The following SNTG1 variants were observed in gnomAD, a reference collection of about 807,000 sequenced individuals.
SNTG1 encodes the protein gamma-1-syntrophin.
A neutral mutation model predicts 74.7 loss-of-function variants in SNTG1; 39 were observed. The observed-to-expected ratio is 0.52, with a 90% CI of 0.40 to 0.68. The LOEUF (loss-of-function observed/expected upper bound fraction) is 0.68, where lower values mean the gene tolerates loss of function less well. SNTG1 is among the 30% of genes least tolerant of loss of function. SNTG1 has a pLI of 0.00. For synonymous variants in SNTG1, 254 were observed against 217.1 expected (o/e 1.17, Z -1.49); for missense variants, 685 against 609.5 (o/e 1.12, Z -1.30).
At chr8:49,994,227 T>C (rs1813966335) in intron 1 of SNTG1, among the ~76,000 whole-genome samples, 2 of 150,916 alleles carry the variant, frequency 1.3e-5, no homozygotes, top group Admixed American at 6.7e-5. Context: ...ATATTGGGTA[T>C]AATATTCAAG....
intron 18 of SNTG1, among the ~76,000 whole-genome samples, chr8:50,753,613 T>A (rs1018105010): frequency 6.6e-6 from 1 of 151,942 alleles, no homozygotes; most frequent in Non-Finnish European, 1.5e-5. Context: ...GTATTATACA[T>A]GCAATTAATT....
intron 1 of SNTG1, among the ~76,000 whole-genome samples, chr8:50,071,463 G>A (rs1280786493): frequency 2.0e-5 from 3 of 151,750 alleles, no homozygotes; most frequent in South Asian, 2.1e-4. Flanking sequence ...TATTATATAC[G>A]TATACATATA....
chr8:50,300,357 C>T (rs1342385205), intron 2 of SNTG1, among the ~76,000 whole-genome samples: 1 of 152,032 alleles, frequency 6.6e-6, no homozygotes, highest in East Asian at 1.9e-4. Flanking sequence ...TACACAAATT[C>T]GTTTGATTCA....
At chr8:50,092,889 T>C (rs1404099454) in intron 1 of SNTG1, among the ~76,000 whole-genome samples, 1 of 152,152 alleles carries the variant, frequency 6.6e-6, no homozygotes, top group Non-Finnish European at 1.5e-5. Flanking sequence ...ACATACTGTA[T>C]TGGGAGAGAG....
intron 2 of SNTG1, among the ~76,000 whole-genome samples, chr8:50,354,973 A>G (rs1438559259): frequency 1.3e-5 from 2 of 152,194 alleles, no homozygotes; most frequent in African/African-American, 4.8e-5. Context: ...ATATAGGGAA[A>G]TGTAGTTAGA....
At chr8:50,469,468 A>C (rs1054494588) in intron 8 of SNTG1, among the ~76,000 whole-genome samples, 9 of 152,120 alleles carry the variant, frequency 5.9e-5, no homozygotes, top group Non-Finnish European at 1.3e-4. Context: ...AGCATAGAAA[A>C]AATGAGTGCA....
At chr8:50,311,640 A>G (rs1404415549) in intron 2 of SNTG1, among the ~76,000 whole-genome samples, 1 of 152,208 alleles carries the variant, frequency 6.6e-6, no homozygotes. Context: ...ATATTTCAAA[A>G]TCTTAAATTG....
intron 1 of SNTG1, among the ~76,000 whole-genome samples, chr8:49,952,604 C>T (rs1001491557): frequency 2.0e-5 from 3 of 152,174 alleles, no homozygotes; most frequent in Non-Finnish European, 4.4e-5. Flanking sequence ...CCCATTATTG[C>T]TACTGTTATT....
chr8:50,005,642 A>G (rs1227837172), intron 1 of SNTG1, among the ~76,000 whole-genome samples: 3 of 152,204 alleles, frequency 2.0e-5, no homozygotes, highest in African/African-American at 7.2e-5. Flanking sequence ...TTGAAGTACA[A>G]TGAAAATGTT....
intron 8 of SNTG1, among the ~76,000 whole-genome samples, chr8:50,482,904 A>C (rs1044546839): frequency 2.6e-5 from 4 of 152,174 alleles, no homozygotes; most frequent in African/African-American, 9.7e-5. Context: ...GAGCATGAAC[A>C]CATGAAATTC....
intron 15 of SNTG1, among the ~76,000 whole-genome samples, chr8:50,686,102 G>C (rs1158757390): frequency 6.6e-6 from 1 of 151,970 alleles, no homozygotes; most frequent in Non-Finnish European, 1.5e-5. Flanking sequence ...GAAATATTAT[G>C]GACTACTTAA....
chr8:50,394,547 T>A (rs2092703604), intron 3 of SNTG1, among the ~76,000 whole-genome samples: 1 of 152,192 alleles, frequency 6.6e-6, no homozygotes, highest in African/African-American at 2.4e-5. Flanking sequence ...GTAGTGGAAG[T>A]GTTGGAAAGA....
intron 8 of SNTG1, among the ~76,000 whole-genome samples, chr8:50,501,498 C>T (rs1386592480): frequency 2.4e-5 from 3 of 126,948 alleles, no homozygotes; most frequent in Non-Finnish European, 4.6e-5. Context: ...TGCAGAGGTG[C>T]GGTCTCAGCT....
chr8:50,280,333 A>T (rs1023430550), intron 2 of SNTG1, among the ~76,000 whole-genome samples: 3 of 152,204 alleles, frequency 2.0e-5, no homozygotes, highest in African/African-American at 7.2e-5. Flanking sequence ...CAGTTGAAAA[A>T]ATTTCTAGAT....
intron 17 of SNTG1, among the ~76,000 whole-genome samples, 153 bp from the exon 18 acceptor site, chr8:50,751,848 A>G (rs928015593): frequency 6.6e-6 from 1 of 152,036 alleles, no homozygotes; most frequent in African/African-American, 2.4e-5. Context: ...AAATGTTAAC[A>G]TTTGATAAAT....
At chr8:50,076,450 C>T (rs1008229769) in intron 1 of SNTG1, among the ~76,000 whole-genome samples, 1 of 152,000 alleles carries the variant, frequency 6.6e-6, no homozygotes, top group Non-Finnish European at 1.5e-5. Flanking sequence ...TTGTTTCTTT[C>T]CAAGAAGAAC....
At chr8:49,938,259 C>A (rs1808267281) in intron 1 of SNTG1, among the ~76,000 whole-genome samples, 1 of 152,270 alleles carries the variant, frequency 6.6e-6, no homozygotes, top group Non-Finnish European at 1.5e-5. Flanking sequence ...ATGATCATTG[C>A]CCATGATGTG....
chr8:50,652,299 C>T (rs2095152108), intron 13 of SNTG1, among the ~76,000 whole-genome samples: 1 of 152,024 alleles, frequency 6.6e-6, no homozygotes, highest in Admixed American at 6.6e-5. Context: ...AATTTATACT[C>T]AATTTTTGTT....
At chr8:50,612,965 C>T (rs2094861125) in intron 13 of SNTG1, among the ~76,000 whole-genome samples, 1 of 151,932 alleles carries the variant, frequency 6.6e-6, no homozygotes, top group Non-Finnish European at 1.5e-5. Flanking sequence ...AAGATGAAAG[C>T]CAAGTGTACA....
Sources: allele counts gnomAD v4.1 joint callset (sites outside exome capture counted in the v4.1 genomes callset), GRCh38; gene constraint gnomAD v4.1.1; transcripts MANE v1.5; gene names NCBI Gene and HGNC (gene_info 2026-07-23, HGNC 2026-07-21).